The following SEPTIN11 variants were observed in gnomAD, a reference collection of about 807,000 sequenced individuals.
The protein encoded by SEPTIN11 is septin 11, also known as septin-11.
SEPTIN11 carries 25 observed loss-of-function variants against 51.4 expected under a neutral mutation model. That is an observed-to-expected ratio of 0.49 (90% confidence interval 0.35 to 0.68). The LOEUF (loss-of-function observed/expected upper bound fraction) is 0.68. Ranked by LOEUF, SEPTIN11 falls within the 30% of genes least tolerant of loss-of-function variation. The probability of loss-of-function intolerance (pLI) is 0.00; values close to 1 mark genes in which losing one functional copy is unlikely to be tolerated. For missense variants in SEPTIN11, 381 were observed against 520.8 expected (o/e 0.73, Z 2.61); for synonymous variants, 174 against 184.1 (o/e 0.95, Z 0.44).
intron 1 of SEPTIN11, among the ~76,000 whole-genome samples, chr4:76,989,525 G>T (rs1723235028): frequency 1.3e-5 from 2 of 152,148 alleles, no homozygotes; most frequent in African/African-American, 4.8e-5. Context: ...TAAAAGTAAA[G>T]AAAAGGGATA....
chr4:77,014,914 A>G lies in SEPTIN11; in HGVS notation c.584A>G (p.Lys195Arg). The part of the protein sequence containing the change: ...ADTIAKNELH[K>R]FKSKIMSELV... ...ACCATTGCCAAGAATGAACTGCACA[A>G]ATTCAAGAGTAAGATCATGAGTGAA... The change falls in exon 5 of 10, where the codon AAA (lysine) becomes AGA (arginine). Residue 195 changes from lysine to arginine, a missense_variant. Transcript: ENST00000264893. 2 of 1,614,214 alleles carry G rather than the reference A, an allele frequency of 1.2e-6. No homozygotes were observed. The highest frequency in any genetic ancestry group is 3.3e-4 in the Middle Eastern group (2 of 6,062).
At chr4:76,969,440 G>T (rs116412920) in intron 1 of SEPTIN11, among the ~76,000 whole-genome samples, 41 of 152,176 alleles carry the variant, frequency 2.7e-4, no homozygotes, top group African/African-American at 9.4e-4. Context: ...ATTACAAAAG[G>T]TACAAAATAT....
intron 5 of SEPTIN11, among the ~76,000 whole-genome samples, chr4:77,017,737 C>T (rs1329565279): frequency 6.6e-6 from 1 of 152,218 alleles, no homozygotes; most frequent in Non-Finnish European, 1.5e-5. Flanking sequence ...TCAAGGAACT[C>T]TAAATAATAA....
intron 1 of SEPTIN11, among the ~76,000 whole-genome samples, chr4:76,987,039 G>A (rs762967056): frequency 4.6e-5 from 7 of 152,114 alleles, no homozygotes; most frequent in Non-Finnish European, 1.0e-4. Context: ...CTTGGAGATA[G>A]CACTTGGAAT....
intron 7 of SEPTIN11, among the ~76,000 whole-genome samples, chr4:77,023,292 A>ACACC (rs1553976980): frequency 6.8e-6 from 1 of 147,898 alleles, no homozygotes; most frequent in African/African-American, 2.5e-5. Context: ...ACACACACAC[A>ACACC]CACACACACA....
At position 77,005,742 on chromosome 4, in the gene SEPTIN11, A is replaced by C; in HGVS notation, c.284A>C (p.Lys95Thr). Reference protein sequence around the residue: ...YELQESNVRLKLTIVDTVGFG... With the variant: ...YELQESNVRLTLTIVDTVGFG... ...CTTCAGGAAAGCAATGTACGGCTGA[A>C]GTTAACCATTGTTGACACCGTGGGA... is the stretch of plus-strand genomic sequence containing the variant. The change falls in exon 3 of 10, where the codon AAG becomes ACG. Residue 95 changes from lysine to threonine, a missense_variant. Transcript: ENST00000264893. 6.2e-7 allele frequency: 1 copy of C among 1,614,036 alleles called. No homozygotes were observed. The highest frequency in any genetic ancestry group is 8.5e-7 in the Non-Finnish European group (1 of 1,179,936).
At chr4:77,004,557 T>A (rs1724345868) in intron 2 of SEPTIN11, among the ~76,000 whole-genome samples, 2 of 152,238 alleles carry the variant, frequency 1.3e-5, no homozygotes, top group Non-Finnish European at 2.9e-5. Context: ...GTTCCACCAC[T>A]TAGCAATGAC....
At chr4:77,039,757 C>T (rs1199123234), downstream of SEPTIN11, 2 of 984,362 alleles carry the variant, frequency 2.0e-6, no homozygotes, top group Admixed American at 6.2e-5. Context: ...CCATCTGCCT[C>T]TTGAGAGAGA....
At chr4:76,962,731 A>G (rs1169459476) in intron 1 of SEPTIN11, among the ~76,000 whole-genome samples, 1 of 152,226 alleles carries the variant, frequency 6.6e-6, no homozygotes, top group Non-Finnish European at 1.5e-5. Flanking sequence ...AATAAGGGGA[A>G]ATATGATTTG....
At chr4:77,018,971 T>G (rs1189882583) in intron 5 of SEPTIN11, among the ~76,000 whole-genome samples, 194 bp from the exon 6 acceptor site, 1 of 152,192 alleles carries the variant, frequency 6.6e-6, no homozygotes, top group Non-Finnish European at 1.5e-5. Context: ...TTCCCTTGAA[T>G]CTAGCTCGTG....
Position 77,028,765 on chromosome 4 carries a change from A to C in SEPTIN11, c.1086+4A>C. The C allele has an allele frequency of 1.9e-6, 3 of 1,611,566 alleles. No homozygotes were observed. Among genetic ancestry groups the C allele is most frequent in the Non-Finnish European group, 2.5e-6 (3 of 1,179,156 alleles). On this transcript the variant is annotated splice_donor_region_variant and intron_variant, in intron 8 of 9. Transcript: ENST00000264893. The stretch of plus-strand genomic sequence containing the variant: ...ACTTAAGGAGGCAGAGAAAGAGGTA[A>C]GCCATCTGTCCTGCTTCAAGGGAAA...
chr4:76,995,215 C>G (rs1385357397), intron 1 of SEPTIN11, among the ~76,000 whole-genome samples: 1 of 151,414 alleles, frequency 6.6e-6, no homozygotes, highest in African/African-American at 2.4e-5. Flanking sequence ...AACCCTGTCT[C>G]TACTAAACAT....
Position 77,037,892 on chromosome 4 carries a change from GACTCACCAGCAGTA to G in SEPTIN11, c.*3383_*3396del. ...TACTTATCTTCCTTCTCTGCTTTGT[GACTCACCAGCAGTA>G]ACACACACAATCCACATCTTGTGCA... On this transcript the variant is annotated 3_prime_UTR_variant, in exon 10 of 10. Transcript: ENST00000264893. The G allele has an allele frequency of 1.0e-6, 1 of 985,888 alleles. No individual in the cohort carries two copies. Among genetic ancestry groups the G allele is most frequent in the Non-Finnish European group, 1.2e-6 (1 of 829,946 alleles). The allele number at this position is 985,888 out of a possible 1,614,324, so 61.1% of individuals were successfully genotyped here.
intron 1 of SEPTIN11, among the ~76,000 whole-genome samples, chr4:76,982,354 G>A (rs1722813277): frequency 6.6e-6 from 1 of 152,050 alleles, no homozygotes; most frequent in African/African-American, 2.4e-5. Context: ...GGGATTACAG[G>A]CGGGTGCCAC....
rs531216465 is a variant in SEPTIN11 at position 77,005,896 on chromosome 4, G to T, written c.338+100G>T. On this transcript the variant is annotated intron_variant, in intron 3 of 9. Transcript: ENST00000264893. ...CAAATGTTTTGGGGATTTTTTAGTT[G>T]TGGGGCTTGGTCCTCTATTGCCTAA... is the stretch of plus-strand genomic sequence containing the variant. 4 of 1,090,886 alleles carry T rather than the reference G, an allele frequency of 3.7e-6. No individual in the cohort carries two copies. The African/African-American group carries it at 4.7e-5, about 13-fold the overall frequency. The allele number at this position is 1,090,886 out of a possible 1,614,324, so 67.6% of individuals were successfully genotyped here.
At chr4:77,015,739 A>T (rs1725177767) in intron 5 of SEPTIN11, among the ~76,000 whole-genome samples, 1 of 152,192 alleles carries the variant, frequency 6.6e-6, no homozygotes, top group Non-Finnish European at 1.5e-5. Flanking sequence ...TGGTTGTTGG[A>T]ATTCAAAGTA....
Position 77,036,839 on chromosome 4 carries a change from T to G in SEPTIN11, c.*2327T>G. On this transcript the variant is annotated 3_prime_UTR_variant, in exon 10 of 10. Transcript: ENST00000264893. ...TTGGATGTGCTTTCGCCTTTGCATG[T>G]AAGTACGGTAGTAAGAAACCTTTGA... The G allele has an allele frequency of 6.6e-7, 1 of 1,513,936 alleles. No individual in the cohort carries two copies. The highest frequency in any genetic ancestry group is 8.8e-7 in the Non-Finnish European group (1 of 1,139,436). The allele number at this position is 1,513,936 out of a possible 1,614,324, so 93.8% of individuals were successfully genotyped here.
At chr4:76,996,279 C>A in intron 1 of SEPTIN11, 146 bp from the exon 2 acceptor site, 1 of 654,694 alleles carries the variant, frequency 1.5e-6, no homozygotes, top group Non-Finnish European at 2.7e-6. Context: ...GTGCCCTCAG[C>A]TGTGTAGAAG....
intron 1 of SEPTIN11, chr4:76,959,155 G>T: frequency 1.9e-6 from 1 of 514,078 alleles, no homozygotes; most frequent in South Asian, 1.8e-5. Flanking sequence ...CCTTGCTCTT[G>T]ATCGTTTTAC....
Sources: allele counts gnomAD v4.1 joint callset (sites outside exome capture counted in the v4.1 genomes callset), GRCh38; gene constraint gnomAD v4.1.1; transcripts MANE v1.5; gene names NCBI Gene and HGNC (gene_info 2026-07-23, HGNC 2026-07-21).